Variants in DENND2B observed in about 807,000 individuals in gnomAD.
DENND2B encodes the protein DENN domain-containing protein 2B.
In DENND2B, 32 loss-of-function variants were observed where a neutral mutation model predicts 116.0. The ratio of observed to expected loss-of-function variants is 0.28; its 90% CI spans 0.21 to 0.37. The LOEUF is 0.37. Among genes scored for constraint, DENND2B ranks in the 10% least tolerant of loss-of-function variants. The pLI, the probability that DENND2B is intolerant of heterozygous loss-of-function variation, is 1.00. For synonymous variants in DENND2B, 588 were observed against 583.9 expected (o/e 1.01, Z -0.10); for missense variants, 1,276 against 1,477.7 (o/e 0.86, Z 2.24).
chr11:8,867,123 T>C (rs1288685294), intron 2 of DENND2B, among the ~76,000 whole-genome samples: 1 of 152,138 alleles, frequency 6.6e-6, no homozygotes, highest in Non-Finnish European at 1.5e-5. Flanking sequence ...AACAACCAAG[T>C]CTCCAGAGCA....
intron 4 of DENND2B, chr11:8,832,731 T>C (rs568056714): frequency 1.3e-5 from 2 of 152,670 alleles, no homozygotes; most frequent in East Asian, 1.9e-4. Context: ...CACAGCTTCC[T>C]GGGCCCTGAC....
At chr11:8,782,651 C>G (rs1437828629) in intron 1 of DENND2B, among the ~76,000 whole-genome samples, 1 of 151,986 alleles carries the variant, frequency 6.6e-6, no homozygotes, top group East Asian at 1.9e-4. Flanking sequence ...CTTTGGGAGG[C>G]CAAGGCAGGC....
chr11:8,768,061 G>C (rs760682413), intron 1 of DENND2B, among the ~76,000 whole-genome samples: 2 of 152,038 alleles, frequency 1.3e-5, no homozygotes, highest in Non-Finnish European at 2.9e-5. Flanking sequence ...TGAGCTGGGA[G>C]AGGCCTCTCG....
At chr11:8,711,068 A>G in intron 10 of DENND2B, 54 bp downstream of exon 10, 1 of 1,580,458 alleles carries the variant, frequency 6.3e-7, no homozygotes, top group Non-Finnish European at 8.7e-7. Flanking sequence ...TGCCCACGCT[A>G]TGGGGGTAAA....
intron 5 of DENND2B, 102 bp downstream of exon 5, chr11:8,717,639 A>G: frequency 5.1e-6 from 7 of 1,385,862 alleles, no homozygotes; most frequent in Non-Finnish European, 5.8e-6. Flanking sequence ...AGTACTAGTG[A>G]GGGTAAAAGC....
At chr11:8,846,881 T>C (rs540021457) in intron 3 of DENND2B, among the ~76,000 whole-genome samples, 179 of 152,360 alleles carry the variant, frequency 1.2e-3, no homozygotes, top group Middle Eastern at 3.4e-3. Context: ...TCTCTGAAGA[T>C]AAGGCTTGTG....
At chr11:8,805,012 C>A (rs12794444) in intron 1 of DENND2B, among the ~76,000 whole-genome samples, 52,702 of 152,106 alleles carry the variant, frequency 0.35, 10,761 homozygotes, top group Non-Finnish European at 0.45. Flanking sequence ...TTACAGGTAT[C>A]ATTTCATTTA....
intron 4 of DENND2B, among the ~76,000 whole-genome samples, chr11:8,720,525 C>T (rs148419786): frequency 3.9e-5 from 6 of 152,200 alleles, no homozygotes; most frequent in African/African-American, 1.4e-4. Context: ...CTCTCTTCTC[C>T]AGCAATGTTT....
At chr11:8,881,704 C>A (rs1320870376) in intron 1 of DENND2B, among the ~76,000 whole-genome samples, 1 of 152,008 alleles carries the variant, frequency 6.6e-6, no homozygotes, top group Non-Finnish European at 1.5e-5. Flanking sequence ...AGTTGGCTGG[C>A]TACTTTTTGT....
chr11:8,897,777 C>T (rs893182636), intron 1 of DENND2B, among the ~76,000 whole-genome samples: 1 of 152,092 alleles, frequency 6.6e-6, no homozygotes, highest in Non-Finnish European at 1.5e-5. Flanking sequence ...CTTGACTGAA[C>T]TCTATTTCTT....
intron 2 of DENND2B, among the ~76,000 whole-genome samples, chr11:8,877,751 C>G (rs1267753300): frequency 6.6e-6 from 1 of 152,162 alleles, no homozygotes; most frequent in Non-Finnish European, 1.5e-5. Context: ...ACTGGCAAAA[C>G]AGAAATCCAT....
chr11:8,783,255 C>T (rs1439085859), intron 1 of DENND2B, among the ~76,000 whole-genome samples: 1 of 152,026 alleles, frequency 6.6e-6, no homozygotes, highest in Non-Finnish European at 1.5e-5. Flanking sequence ...CATCTCACTA[C>T]GTTGCCCAGG....
At chr11:8,782,214 G>T (rs7950178) in intron 1 of DENND2B, among the ~76,000 whole-genome samples, 1 of 152,050 alleles carries the variant, frequency 6.6e-6, no homozygotes, top group Non-Finnish European at 1.5e-5. Context: ...AAACTTTTTA[G>T]AAATGACTTT....
intron 1 of DENND2B, among the ~76,000 whole-genome samples, chr11:8,767,905 G>A (rs1593384211): frequency 1.3e-5 from 2 of 152,168 alleles, no homozygotes; most frequent in Admixed American, 1.3e-4. Flanking sequence ...CACCACTAGA[G>A]ATCTGGTAAT....
chr11:8,695,395 G>T (rs775092319), intron 19 of DENND2B, 68 bp downstream of exon 19: 9 of 1,431,810 alleles, frequency 6.3e-6, no homozygotes, highest in Non-Finnish European at 7.9e-6. Flanking sequence ...AGAGTATTCG[G>T]GAACACAAAT....
intron 3 of DENND2B, among the ~76,000 whole-genome samples, chr11:8,852,048 C>T (rs1434408932): frequency 6.6e-6 from 1 of 152,138 alleles, no homozygotes; most frequent in African/African-American, 2.4e-5. Context: ...ACAGTTGTTG[C>T]TTCTGGAGAG....
chr11:8,857,731 A>G (rs2063244624), intron 2 of DENND2B, among the ~76,000 whole-genome samples: 1 of 152,186 alleles, frequency 6.6e-6, no homozygotes, highest in South Asian at 2.1e-4. Context: ...AGGGAACTAA[A>G]TTAGGAGTCA....
intron 2 of DENND2B, among the ~76,000 whole-genome samples, chr11:8,743,278 G>A (rs759709030): frequency 4.6e-5 from 7 of 152,158 alleles, no homozygotes; most frequent in South Asian, 2.1e-4. Context: ...GGCCAGGTAC[G>A]GTGGCTCATG....
At chr11:8,868,357 C>G (rs1274248848) in intron 2 of DENND2B, among the ~76,000 whole-genome samples, 1 of 152,198 alleles carries the variant, frequency 6.6e-6, no homozygotes, top group African/African-American at 2.4e-5. Flanking sequence ...CACTGCTTTA[C>G]CCATAGCTCC....
Sources: gnomAD v4.1 joint callset for allele counts (sites outside exome capture counted in the v4.1 genomes callset) on GRCh38, gnomAD v4.1.1 for gene constraint, MANE v1.5 for transcripts, NCBI Gene and HGNC (gene_info 2026-07-23, HGNC 2026-07-21) for gene names.